PPM1L: variants seen among roughly 807,000 people sequenced by gnomAD.
PPM1L encodes protein phosphatase 1L.
A neutral mutation model predicts 31.4 loss-of-function variants in PPM1L; 13 were observed. That is an observed-to-expected ratio of 0.41 (90% CI 0.27 to 0.66). The LOEUF is 0.66. Among genes scored for constraint, PPM1L ranks in the 30% least tolerant of loss-of-function variants. PPM1L has a pLI of 0.29. For synonymous variants in PPM1L, 184 were observed against 175.4 expected (o/e 1.05, Z -0.39); for missense variants, 326 against 453.7 (o/e 0.72, Z 2.56).
At chr3:161,009,408 T>C (rs998490165) in intron 2 of PPM1L, among the ~76,000 whole-genome samples, 1 of 152,228 alleles carries the variant, frequency 6.6e-6, no homozygotes, top group African/African-American at 2.4e-5. Context: ...TTAAAAAATA[T>C]GTGACCGTAT....
intron 1 of PPM1L, among the ~76,000 whole-genome samples, chr3:160,806,736 G>A (rs1712609783): frequency 6.6e-6 from 1 of 150,840 alleles, no homozygotes; most frequent in Non-Finnish European, 1.5e-5. Context: ...AAGACCTCTT[G>A]GTCTCTGAAA....
At chr3:160,810,632 G>A (rs1172796826) in intron 1 of PPM1L, among the ~76,000 whole-genome samples, 1 of 152,160 alleles carries the variant, frequency 6.6e-6, no homozygotes, top group Non-Finnish European at 1.5e-5. Context: ...CAATACAGAG[G>A]TCAGCCAGCC....
At chr3:160,811,533 C>A (rs1712804731) in intron 1 of PPM1L, among the ~76,000 whole-genome samples, 1 of 152,250 alleles carries the variant, frequency 6.6e-6, no homozygotes, top group African/African-American at 2.4e-5. Context: ...TATTCTCTAT[C>A]TGGCTCTTTA....
At chr3:160,916,056 A>G (rs904338723) in intron 1 of PPM1L, among the ~76,000 whole-genome samples, 2 of 152,228 alleles carry the variant, frequency 1.3e-5, no homozygotes, top group Non-Finnish European at 2.9e-5. Flanking sequence ...AAAATAGACA[A>G]ATGGGATCTA....
At chr3:160,789,745 A>G (rs1265594384) in intron 1 of PPM1L, among the ~76,000 whole-genome samples, 3 of 151,996 alleles carry the variant, frequency 2.0e-5, no homozygotes, top group Admixed American at 2.0e-4. Context: ...TGCTAATGGT[A>G]TAAATTACAT....
chr3:161,013,446 A>G (rs1331748590), intron 2 of PPM1L, among the ~76,000 whole-genome samples: 2 of 152,194 alleles, frequency 1.3e-5, no homozygotes, highest in East Asian at 1.9e-4. Flanking sequence ...ACTTCCAACT[A>G]TGTGGTCAAT....
chr3:160,794,927 G>T (rs1292761035), intron 1 of PPM1L, among the ~76,000 whole-genome samples: 1 of 152,166 alleles, frequency 6.6e-6, no homozygotes, highest in Non-Finnish European at 1.5e-5. Flanking sequence ...AACGCAGGGG[G>T]TAATGGTGAA....
chr3:160,786,185 GTGTA>G (rs1401710247), intron 1 of PPM1L, among the ~76,000 whole-genome samples: 4 of 62,558 alleles, frequency 6.4e-5, no homozygotes, highest in Admixed American at 2.2e-4. Flanking sequence ...GTGTGTGTGT[GTGTA>G]TATATATATA....
At chr3:160,882,050 C>A (rs1271112876) in intron 1 of PPM1L, among the ~76,000 whole-genome samples, 393 of 125,712 alleles carry the variant, frequency 3.1e-3, no homozygotes, top group Non-Finnish European at 3.7e-3. Flanking sequence ...GACTCTGTCT[C>A]AAAAAAAAAA....
intron 1 of PPM1L, among the ~76,000 whole-genome samples, chr3:160,776,394 T>C (rs574237422): frequency 2.2e-4 from 33 of 152,300 alleles, no homozygotes; most frequent in African/African-American, 7.5e-4. Context: ...GATGGTCTCA[T>C]AGGATGAAAA....
chr3:160,762,624 G>A (rs149482147), intron 1 of PPM1L, among the ~76,000 whole-genome samples: 10 of 152,310 alleles, frequency 6.6e-5, no homozygotes, highest in Admixed American at 2.0e-4. Context: ...TGGCTTGACT[G>A]AAGGAGCTTG....
rs1713118822 is a variant in PPM1L at position 160,819,237 on chromosome 3, C to A, written c.399+62530C>A. 3.9e-5 allele frequency among the ~76,000 whole-genome samples: 6 copies of A among 151,964 alleles called. No homozygotes were observed. The South Asian group carries it at 1.0e-3, about 26-fold the overall frequency. On this transcript the variant is annotated intron_variant, in intron 1 of 3. Transcript: ENST00000498165. ...TATAGGAAAAAATGTTTAAAAATTG[C>A]ACTTTGTAAGACACCCTGAAATGTG...
At chr3:160,888,190 C>T (rs1432951019) in intron 1 of PPM1L, among the ~76,000 whole-genome samples, 1 of 152,084 alleles carries the variant, frequency 6.6e-6, no homozygotes, top group East Asian at 1.9e-4. Context: ...TAATACTAAC[C>T]TTAAATGTAA....
At chr3:160,920,581 T>A (rs1714353252) in intron 1 of PPM1L, among the ~76,000 whole-genome samples, 1 of 138,372 alleles carries the variant, frequency 7.2e-6, no homozygotes. Context: ...ACTTATGCAT[T>A]TAGTTTCTCT....
At chr3:160,954,817 C>T (rs1715688750) in intron 1 of PPM1L, among the ~76,000 whole-genome samples, 1 of 151,332 alleles carries the variant, frequency 6.6e-6, no homozygotes, top group Non-Finnish European at 1.5e-5. Flanking sequence ...TGCTTTTGCC[C>T]TTAGGGTCTT....
At chr3:160,883,585 T>C (rs1408103413) in intron 1 of PPM1L, among the ~76,000 whole-genome samples, 1 of 152,034 alleles carries the variant, frequency 6.6e-6, no homozygotes, top group Non-Finnish European at 1.5e-5. Flanking sequence ...GGCAGTGAAT[T>C]AGGGCAGAAA....
intron 1 of PPM1L, among the ~76,000 whole-genome samples, chr3:160,876,045 A>G (rs907406192): frequency 8.5e-5 from 13 of 152,204 alleles, no homozygotes; most frequent in African/African-American, 2.7e-4. Flanking sequence ...ATTAGGAAGA[A>G]TATGCAAACA....
At chr3:160,983,870 G>A (rs1559913533) in intron 2 of PPM1L, among the ~76,000 whole-genome samples, 2 of 152,150 alleles carry the variant, frequency 1.3e-5, no homozygotes, top group Non-Finnish European at 2.9e-5. Context: ...CACAAAACCA[G>A]CAAGTTTTTA....
intron 2 of PPM1L, among the ~76,000 whole-genome samples, chr3:160,984,180 T>G (rs1346892906): frequency 6.6e-6 from 1 of 152,234 alleles, no homozygotes; most frequent in African/African-American, 2.4e-5. Flanking sequence ...CATCCCTATC[T>G]ACATCTGCAT....
Sources: allele counts gnomAD v4.1 joint callset (sites outside exome capture counted in the v4.1 genomes callset), GRCh38; gene constraint gnomAD v4.1.1; transcripts MANE v1.5; gene names NCBI Gene and HGNC (gene_info 2026-07-23, HGNC 2026-07-21).